Variants in ROCK1 observed in about 807,000 individuals in gnomAD.
ROCK1 encodes the protein rho-associated protein kinase 1.
A neutral mutation model predicts 196.8 loss-of-function variants in ROCK1; 36 were observed. The observed-to-expected ratio is 0.18, with a 90% CI of 0.14 to 0.24. The LOEUF is 0.24. ROCK1 is among the 10% of genes least tolerant of loss of function. ROCK1 has a pLI of 1.00. For synonymous variants in ROCK1, 443 were observed against 515.9 expected, an observed-to-expected ratio of 0.86 and a Z score of 1.91; for missense variants, 920 against 1,562.0, an observed-to-expected ratio of 0.59 and a Z score of 6.93.
chr18:20,984,207 G>C, intron 20 of ROCK1, 144 bp downstream of exon 20: 1 of 627,684 alleles, frequency 1.6e-6, no homozygotes, highest in East Asian at 3.1e-5. Context: ...ACCTTTGCAA[G>C]TAAATTCTTT....
At chr18:21,027,976 T>C (rs2035974741) in intron 10 of ROCK1, among the ~76,000 whole-genome samples, 1 of 145,476 alleles carries the variant, frequency 6.9e-6, no homozygotes, top group Non-Finnish European at 1.5e-5. Context: ...TTAGCCAGGA[T>C]GGTCTCGATC....
intron 11 of ROCK1, among the ~76,000 whole-genome samples, chr18:21,020,820 A>G: frequency 6.6e-6 from 1 of 152,250 alleles, no homozygotes; most frequent in East Asian, 1.9e-4. Context: ...AGCAGAGCAC[A>G]GAATGTAATA....
At chr18:20,951,912 T>C (rs895521182) in intron 32 of ROCK1, among the ~76,000 whole-genome samples, 1 of 152,000 alleles carries the variant, frequency 6.6e-6, no homozygotes, top group Non-Finnish European at 1.5e-5. Context: ...CTAGGGAAGG[T>C]GGTATGTGGT....
chr18:21,049,153 G>A lies in ROCK1; in HGVS notation c.353C>T (p.Ser118Phe). 6.2e-7 allele frequency: 1 copy of A among 1,612,220 alleles called. No individual in the cohort carries two copies. Among genetic ancestry groups the A allele is most frequent in the Non-Finnish European group, 8.5e-7 (1 of 1,178,866 alleles). The change falls in exon 4 of 33, where the codon TCT (serine) becomes TTT (phenylalanine). Residue 118 changes from serine (S) to phenylalanine (F), a missense_variant. Ser to Phe is a radical substitution (Grantham distance 155, BLOSUM62 -2). Transcript: ENST00000399799. ...SKFEMIKRSD[S>F]AFFWEERDIM... ...GTCCCTTTCTTCCCAGAAAAAAGCA[G>A]AATCAGATCTCTTTATCATTTCAAA...
chr18:21,108,754 A>C (rs2036724556), intron 1 of ROCK1, among the ~76,000 whole-genome samples: 1 of 152,286 alleles, frequency 6.6e-6, no homozygotes, highest in East Asian at 1.9e-4. Flanking sequence ...AATTTTAAAA[A>C]ACTGTCCAAT....
At chr18:21,012,699 G>T (rs997326852) in intron 13 of ROCK1, among the ~76,000 whole-genome samples, 10 of 152,014 alleles carry the variant, frequency 6.6e-5, no homozygotes, top group Admixed American at 5.9e-4. Context: ...CAAATTTGTT[G>T]AATTTTCTGT....
chr18:20,965,485 G>T (rs1301419797), intron 27 of ROCK1, among the ~76,000 whole-genome samples: 1 of 151,984 alleles, frequency 6.6e-6, no homozygotes, highest in East Asian at 1.9e-4. Flanking sequence ...CATACATAGA[G>T]TAAGAATCCC....
At chr18:20,981,842 T>G (rs1050391225) in intron 21 of ROCK1, among the ~76,000 whole-genome samples, 1 of 152,230 alleles carries the variant, frequency 6.6e-6, no homozygotes, top group African/African-American at 2.4e-5. Context: ...CAGATTCTTA[T>G]CTCTCTGACT....
chr18:21,023,721 ACT>A (rs769028229), intron 10 of ROCK1, 41 bp from the exon 11 acceptor site: 1 of 1,091,234 alleles, frequency 9.2e-7, no homozygotes, highest in East Asian at 2.5e-5. Context: ...AAAACAAAAA[ACT>A]CTGTAATATC....
chr18:21,037,073 T>C (rs753855390), intron 9 of ROCK1, among the ~76,000 whole-genome samples: 3 of 152,194 alleles, frequency 2.0e-5, no homozygotes, highest in Non-Finnish European at 2.9e-5. Context: ...ATTTTGACAT[T>C]GTTGTTTGCT....
At chr18:21,006,212 A>G (rs1391030008) in intron 16 of ROCK1, 139 bp downstream of exon 16, 4 of 677,660 alleles carry the variant, frequency 5.9e-6, no homozygotes, top group African/African-American at 5.4e-5. Context: ...CAAACACTGT[A>G]TGATTCCACT....
At chr18:21,094,219 T>C (rs754161884) in intron 1 of ROCK1, among the ~76,000 whole-genome samples, 5 of 152,216 alleles carry the variant, frequency 3.3e-5, no homozygotes, top group Non-Finnish European at 5.9e-5. Flanking sequence ...TTGCTTGCAT[T>C]TAAGCCCAAA....
At position 21,081,138 on chromosome 18, in the gene ROCK1, A is replaced by C. The variant is rs574297724; in HGVS notation, c.94-10525T>G. 1.9e-4 allele frequency among the ~76,000 whole-genome samples: 29 copies of C among 152,312 alleles called. No homozygotes were observed. The South Asian group carries it at 5.6e-3, about 29-fold the overall frequency. On this transcript the variant is annotated intron_variant, in intron 1 of 32. Transcript: ENST00000399799. ...TTATGCCACAAAACAAGTTTTAATAACTTTTAAAAGACCAAAATGACACAA... is the reference window on the plus strand; with the variant it reads ...TTATGCCACAAAACAAGTTTTAATACCTTTTAAAAGACCAAAATGACACAA...
At chr18:21,101,928 T>C (rs1189310285) in intron 1 of ROCK1, among the ~76,000 whole-genome samples, 1 of 152,016 alleles carries the variant, frequency 6.6e-6, no homozygotes, top group Non-Finnish European at 1.5e-5. Flanking sequence ...TGACAATATA[T>C]GGAATTTACT....
At chr18:21,008,282 AAG>A in intron 13 of ROCK1, 88 bp from the exon 14 acceptor site, 2 of 1,001,796 alleles carry the variant, frequency 2.0e-6, no homozygotes, top group Non-Finnish European at 2.8e-6. Context: ...AACAAAAAAC[AAG>A]AAAAAAAAAA....
Position 21,023,667 on chromosome 18 carries a change from C to T in ROCK1, c.1225G>A (p.Ala409Thr), listed in dbSNP as rs1307758569. ...CTAGTTCTGTTATCATTAGGATTTG[C>T]TGAAGATAAGTATCTGAGGGAAAGA... ...YYSNRRYLSS[A>T]NPNDNRTSSN... Residue 409 changes from alanine (A) to threonine (T), a missense_variant, in exon 11 of 33, where the codon GCA becomes ACA. Ala to Thr is a moderately conservative substitution (Grantham distance 58). Coordinates refer to ENST00000399799, the MANE Select transcript of ROCK1 (RefSeq NM_005406.3). 2 of 1,574,180 alleles carry T rather than the reference C, an allele frequency of 1.3e-6. No individual in the cohort carries two copies. The highest frequency in any genetic ancestry group is 1.7e-6 in the Non-Finnish European group (2 of 1,157,840).
At chr18:21,048,634 C>T (rs2036180472) in intron 4 of ROCK1, among the ~76,000 whole-genome samples, 1 of 152,094 alleles carries the variant, frequency 6.6e-6, no homozygotes, top group African/African-American at 2.4e-5. Flanking sequence ...ACTATAGCCT[C>T]GACCTCCTGG....
intron 27 of ROCK1, among the ~76,000 whole-genome samples, chr18:20,966,127 C>T (rs2035372178): frequency 6.6e-6 from 1 of 152,088 alleles, no homozygotes; most frequent in African/African-American, 2.4e-5. Context: ...ACAAAACTTC[C>T]AAGACTCTGA....
At chr18:21,109,122 A>G (rs1346159667) in intron 1 of ROCK1, among the ~76,000 whole-genome samples, 2 of 152,214 alleles carry the variant, frequency 1.3e-5, no homozygotes, top group East Asian at 3.8e-4. Flanking sequence ...TTCCAAGAAC[A>G]TACATTATCT....
Sources: allele counts gnomAD v4.1 joint callset (sites outside exome capture counted in the v4.1 genomes callset), GRCh38; gene constraint gnomAD v4.1.1; transcripts MANE v1.5; gene names NCBI Gene and HGNC (gene_info 2026-07-23, HGNC 2026-07-21).